HMG20A: variants seen among roughly 807,000 people sequenced by gnomAD.
The protein encoded by HMG20A is high mobility group 20A, also known as high mobility group protein 20A.
Under a neutral mutation model 43.9 loss-of-function variants are expected in HMG20A, and 17 were observed. That is an observed-to-expected ratio of 0.39 (90% CI 0.27 to 0.58). HMG20A has a LOEUF of 0.58. HMG20A is among the 20% of genes least tolerant of loss of function. The pLI is 0.59. For synonymous variants in HMG20A, 132 were observed against 147.5 expected (o/e 0.89, Z 0.76); for missense variants, 341 against 438.2 (o/e 0.78, Z 1.98).
At position 77,478,625 on chromosome 15, in the gene HMG20A, T is replaced by C. The variant is rs549069648; in HGVS notation, c.907+115T>C. The C allele has an allele frequency of 1.8e-4, 135 of 757,694 alleles. No individual in the cohort carries two copies. In the African/African-American group the frequency reaches 2.1e-3, roughly 12 times the overall value. 46.9% of individuals were successfully genotyped at this position (757,694 alleles called of 1,614,324 possible). ...GATTGAAATCTCCTCCAGAGGAAAA[T>C]TAATTAAACTACATTTTTTCTTCTC... On this transcript the variant is annotated intron_variant, in intron 8 of 9. Transcript: ENST00000336216.
At chr15:77,500,230 A>C in the HMG20A span, among the ~76,000 whole-genome samples, 2 of 152,228 alleles carry the variant, frequency 1.3e-5, no homozygotes, top group Non-Finnish European at 2.9e-5. Flanking sequence ...CATGAAACTA[A>C]GATGAAACTA....
chr15:77,455,162 C>T (rs2142319375), intron 1 of HMG20A, among the ~76,000 whole-genome samples: 1 of 151,554 alleles, frequency 6.6e-6, no homozygotes, highest in South Asian at 2.1e-4. Context: ...ATAACATAGT[C>T]ACATTGGTGT....
At chr15:77,482,907 T>C (rs2072917185) in intron 9 of HMG20A, 63 bp from the exon 10 acceptor site, 1 of 152,308 alleles carries the variant, frequency 6.6e-6, no homozygotes, top group South Asian at 2.1e-4. Flanking sequence ...ATACTTACTT[T>C]CTTGGTGTTA....
chr15:77,499,401 C>G, the HMG20A span, among the ~76,000 whole-genome samples: 2 of 152,172 alleles, frequency 1.3e-5, no homozygotes, highest in Non-Finnish European at 2.9e-5. Context: ...CCCACATTTT[C>G]TCTAATACCT....
At chr15:77,425,315 A>G (rs2073415593) in intron 1 of HMG20A, among the ~76,000 whole-genome samples, 2 of 152,216 alleles carry the variant, frequency 1.3e-5, no homozygotes, top group African/African-American at 4.8e-5. Flanking sequence ...TACCTGGCAC[A>G]AGACCATTCA....
chr15:77,443,465 C>G lies in HMG20A; in HGVS notation c.-4-14939C>G, dbSNP rs142832671. 4.7e-3 allele frequency among the ~76,000 whole-genome samples: 706 copies of G among 150,044 alleles called. 4 individuals carry two copies. Among genetic ancestry groups the G allele is most frequent in the African/African-American group, 0.016 (655 of 40,954 alleles). ...GGAGTGCAGTGGCACGATCTCACCTCACTGCAACATCCACCTCCTGGGTTC... is the reference window on the plus strand; with the variant it reads ...GGAGTGCAGTGGCACGATCTCACCTGACTGCAACATCCACCTCCTGGGTTC... On this transcript the variant is annotated intron_variant, in intron 1 of 9. Coordinates refer to ENST00000336216, the MANE Select transcript of HMG20A (RefSeq NM_001304504.2).
chr15:77,481,540 G>C (rs2072905646), intron 9 of HMG20A, among the ~76,000 whole-genome samples: 1 of 152,024 alleles, frequency 6.6e-6, no homozygotes, highest in South Asian at 2.1e-4. Flanking sequence ...ACCCAAAAGT[G>C]GTTTTCCATT....
chr15:77,427,396 T>C (rs1181272156), intron 1 of HMG20A, among the ~76,000 whole-genome samples: 1 of 152,200 alleles, frequency 6.6e-6, no homozygotes, highest in African/African-American at 2.4e-5. Context: ...TTAATGGTTC[T>C]ACAAGCATGG....
intron 1 of HMG20A, chr15:77,421,206 G>C (rs1185759590): frequency 2.8e-5 from 9 of 325,214 alleles, no homozygotes; most frequent in Non-Finnish European, 5.0e-5. Flanking sequence ...TGGGGGGGTG[G>C]TGATGGTTTG....
chr15:77,513,424 G>A, the HMG20A span, among the ~76,000 whole-genome samples: 1 of 152,228 alleles, frequency 6.6e-6, no homozygotes. Context: ...ATTTATAGCA[G>A]CTGTGTCATA....
chr15:77,517,361 T>A, the HMG20A span, among the ~76,000 whole-genome samples: 1 of 152,118 alleles, frequency 6.6e-6, no homozygotes, highest in East Asian at 1.9e-4. Context: ...TAGCAGGTAT[T>A]TACTGAATGC....
At chr15:77,506,959 C>G in the HMG20A span, among the ~76,000 whole-genome samples, 2 of 152,252 alleles carry the variant, frequency 1.3e-5, no homozygotes, top group Non-Finnish European at 2.9e-5. Flanking sequence ...ACTAGGCCAC[C>G]ATGCCTGTTT....
chr15:77,476,180 A>G (rs974232437), intron 6 of HMG20A, among the ~76,000 whole-genome samples: 1 of 152,114 alleles, frequency 6.6e-6, no homozygotes. Flanking sequence ...TTGTGTTCAA[A>G]GATTTAAAAA....
At chr15:77,501,204 C>G in the HMG20A span, among the ~76,000 whole-genome samples, 1 of 152,198 alleles carries the variant, frequency 6.6e-6, no homozygotes, top group East Asian at 1.9e-4. Context: ...CTGCATCCTT[C>G]CCTATGACTA....
In HMG20A at chr15:77,464,365, A is replaced by G. The variant is rs775805602; in HGVS notation, c.215A>G (p.Asn72Ser). ...QSESSNAAEG[N>S]EQRHEDEQRS... is the part of the protein sequence containing the mutation. ...GAGTCTTCAAATGCAGCAGAAGGCAATGAACAGAGGCATGAAGATGAGGTA... is the reference window on the plus strand; with the variant it reads ...GAGTCTTCAAATGCAGCAGAAGGCAGTGAACAGAGGCATGAAGATGAGGTA... Residue 72 changes from asparagine (N) to serine (S), a missense_variant, in exon 3 of 10, where the codon AAT becomes AGT. By Grantham distance (46) the Asn-to-Ser change is conservative. Coordinates refer to ENST00000336216, the MANE Select transcript of HMG20A (RefSeq NM_001304504.2). The G allele has an allele frequency of 5.6e-6, 9 of 1,613,780 alleles. No individual in the cohort carries two copies. Among genetic ancestry groups the G allele is most frequent in the South Asian group, 1.1e-5 (1 of 91,062 alleles).
At chr15:77,470,829 C>G in intron 4 of HMG20A, 81 bp from the exon 5 acceptor site, 1 of 1,223,590 alleles carries the variant, frequency 8.2e-7, no homozygotes, top group Non-Finnish European at 1.1e-6. Flanking sequence ...TCTAATTGTC[C>G]TGTTTTCTTC....
intron 9 of HMG20A, among the ~76,000 whole-genome samples, chr15:77,480,124 CTACAAAAAA>C (rs151009084): frequency 0.034 from 5,221 of 151,974 alleles, 143 homozygotes; most frequent in Non-Finnish European, 0.055. Flanking sequence ...AACCCCGTAT[CTACAAAAAA>C]TACAAAAAAT....
At chr15:77,497,444 A>G in the HMG20A span, among the ~76,000 whole-genome samples, 1 of 152,222 alleles carries the variant, frequency 6.6e-6, no homozygotes, top group Non-Finnish European at 1.5e-5. Context: ...CAAAGCTTCC[A>G]GCCGAGTGGA....
At chr15:77,515,408 A>G in the HMG20A span, among the ~76,000 whole-genome samples, 9 of 129,798 alleles carry the variant, frequency 6.9e-5, no homozygotes, top group Non-Finnish European at 1.3e-4. Context: ...CTTATTTTTA[A>G]ATATTTATTT....
Sources: gnomAD v4.1 joint callset for allele counts (sites outside exome capture counted in the v4.1 genomes callset) on GRCh38, gnomAD v4.1.1 for gene constraint, MANE v1.5 for transcripts, NCBI Gene and HGNC (gene_info 2026-07-23, HGNC 2026-07-21) for gene names.